Variants in RABGAP1L observed in about 807,000 individuals in gnomAD.
The protein encoded by RABGAP1L is rab GTPase-activating protein 1-like.
A neutral mutation model predicts 137.7 loss-of-function variants in RABGAP1L; 63 were observed. That is an observed-to-expected ratio of 0.46 (90% CI 0.37 to 0.56). RABGAP1L has a LOEUF of 0.56. RABGAP1L is among the 20% of genes least tolerant of loss of function. The pLI, the probability that RABGAP1L is intolerant of heterozygous loss-of-function variation, is 0.00. For synonymous variants in RABGAP1L, 431 were observed against 433.7 expected, an observed-to-expected ratio of 0.99 and a Z score of 0.08; for missense variants, 1,095 against 1,244.0, an observed-to-expected ratio of 0.88 and a Z score of 1.80.
intron 23 of RABGAP1L, among the ~76,000 whole-genome samples, chr1:174,982,003 C>T (rs1047228602): frequency 6.6e-6 from 1 of 152,122 alleles, no homozygotes; most frequent in African/African-American, 2.4e-5. Flanking sequence ...AGAAATGGAG[C>T]TGGCCTGCCT....
chr1:174,683,261 A>T (rs1236511242), intron 14 of RABGAP1L, among the ~76,000 whole-genome samples: 1 of 151,926 alleles, frequency 6.6e-6, no homozygotes, highest in Non-Finnish European at 1.5e-5. Flanking sequence ...TTTTAATATT[A>T]ACTTAGGTCC....
chr1:174,447,354 CTGTT>C (rs1254762143), intron 13 of RABGAP1L, among the ~76,000 whole-genome samples: 2 of 152,056 alleles, frequency 1.3e-5, no homozygotes, highest in Admixed American at 6.6e-5. Flanking sequence ...AATCTGGAGT[CTGTT>C]TGTTACCTCT....
intron 13 of RABGAP1L, among the ~76,000 whole-genome samples, chr1:174,619,694 T>C (rs907498698): frequency 6.6e-6 from 1 of 152,186 alleles, no homozygotes; most frequent in African/African-American, 2.4e-5. Context: ...CATGCCAAAT[T>C]GTAAAGACCA....
chr1:174,214,071 A>G (rs1344383205), intron 1 of RABGAP1L, among the ~76,000 whole-genome samples: 1 of 152,226 alleles, frequency 6.6e-6, no homozygotes, highest in East Asian at 1.9e-4. Flanking sequence ...TGCAGATGAT[A>G]TGGTCTTATA....
intron 11 of RABGAP1L, among the ~76,000 whole-genome samples, chr1:174,342,142 T>C (rs893388283): frequency 1.3e-5 from 2 of 152,280 alleles, no homozygotes; most frequent in Admixed American, 1.3e-4. Context: ...GGCTACAGTT[T>C]AATATGTTAA....
At chr1:174,167,773 G>A (rs1032847483) in intron 1 of RABGAP1L, among the ~76,000 whole-genome samples, 1 of 151,980 alleles carries the variant, frequency 6.6e-6, no homozygotes, top group Non-Finnish European at 1.5e-5. Context: ...ACAAACCTGT[G>A]GTTTTGAGTT....
At chr1:174,536,023 A>C (rs1409578608) in intron 13 of RABGAP1L, among the ~76,000 whole-genome samples, 1 of 152,200 alleles carries the variant, frequency 6.6e-6, no homozygotes, top group Non-Finnish European at 1.5e-5. Context: ...ATTGGAATTC[A>C]TCATTGCTGA....
chr1:174,688,461 A>AT (rs1225463542), intron 15 of RABGAP1L, among the ~76,000 whole-genome samples: 5 of 151,854 alleles, frequency 3.3e-5, no homozygotes, highest in Non-Finnish European at 2.9e-5. Context: ...AAACTATTGA[A>AT]TTTTTTTAAA....
intron 1 of RABGAP1L, among the ~76,000 whole-genome samples, chr1:174,216,651 A>G (rs1246554756): frequency 6.7e-6 from 1 of 149,952 alleles, no homozygotes; most frequent in Non-Finnish European, 1.5e-5. Context: ...TATCACATAG[A>G]TCCACATTTT....
intron 10 of RABGAP1L, among the ~76,000 whole-genome samples, chr1:174,301,197 C>T (rs1677669452): frequency 6.6e-6 from 1 of 151,832 alleles, no homozygotes; most frequent in Non-Finnish European, 1.5e-5. Context: ...TTGTGCAGTG[C>T]TTGTTGCTGG....
intron 19 of RABGAP1L, among the ~76,000 whole-genome samples, chr1:174,935,678 G>C (rs923058947): frequency 6.6e-6 from 1 of 152,048 alleles, no homozygotes; most frequent in African/African-American, 2.4e-5. Flanking sequence ...TGCCCAGTGA[G>C]GGTTGGTAAA....
At chr1:174,257,134 A>C (rs967659773) in intron 7 of RABGAP1L, among the ~76,000 whole-genome samples, 1 of 152,032 alleles carries the variant, frequency 6.6e-6, no homozygotes, top group African/African-American at 2.4e-5. Context: ...GCCCCTTCGA[A>C]CCCTATCTTT....
chr1:174,534,901 A>C (rs1299931465), intron 13 of RABGAP1L, among the ~76,000 whole-genome samples: 1 of 151,798 alleles, frequency 6.6e-6, no homozygotes, highest in Non-Finnish European at 1.5e-5. Context: ...GCACTGTGAT[A>C]TTGTAATAGT....
At chr1:174,499,983 A>C (rs1661107552) in intron 13 of RABGAP1L, among the ~76,000 whole-genome samples, 1 of 152,038 alleles carries the variant, frequency 6.6e-6, no homozygotes, top group South Asian at 2.1e-4. Context: ...GAATTTGGGG[A>C]TCATTTAGTC....
chr1:174,303,481 T>C (rs1677915014), intron 10 of RABGAP1L, among the ~76,000 whole-genome samples: 1 of 152,168 alleles, frequency 6.6e-6, no homozygotes, highest in South Asian at 2.1e-4. Context: ...GTTTTAGAAT[T>C]TATTTGCATA....
intron 13 of RABGAP1L, among the ~76,000 whole-genome samples, chr1:174,424,093 G>A (rs897056707): frequency 3.3e-5 from 5 of 152,076 alleles, no homozygotes; most frequent in African/African-American, 1.2e-4. Context: ...TTTCAAGAAA[G>A]AAGTTTACTG....
At chr1:174,397,366 T>C (rs1647993929) in intron 13 of RABGAP1L, among the ~76,000 whole-genome samples, 1 of 152,190 alleles carries the variant, frequency 6.6e-6, no homozygotes, top group South Asian at 2.1e-4. Context: ...GGTTTTTGCA[T>C]CTGCCTCTGG....
intron 19 of RABGAP1L, among the ~76,000 whole-genome samples, chr1:174,815,218 C>T (rs991575964): frequency 5.3e-5 from 8 of 152,144 alleles, no homozygotes; most frequent in African/African-American, 1.7e-4. Context: ...AATGGAAGTG[C>T]ATGTGTAGGT....
intron 18 of RABGAP1L, among the ~76,000 whole-genome samples, chr1:174,810,942 A>T (rs975258886): frequency 9.9e-5 from 15 of 151,956 alleles, no homozygotes; most frequent in African/African-American, 3.6e-4. Context: ...TTAAAAAAAA[A>T]AAAATTATAA....
Sources: allele counts gnomAD v4.1 joint callset (sites outside exome capture counted in the v4.1 genomes callset), GRCh38; gene constraint gnomAD v4.1.1; transcripts MANE v1.5; gene names NCBI Gene and HGNC (gene_info 2026-07-23, HGNC 2026-07-21).